The following AOAH variants were observed in gnomAD, a reference collection of about 807,000 sequenced individuals.
The protein encoded by AOAH is acyloxyacyl hydrolase, also known as acyloxyacyl hydrolase (neutrophil).
In AOAH, 64 loss-of-function variants were observed where a neutral mutation model predicts 92.2. The observed-to-expected ratio is 0.69, with a 90% CI of 0.57 to 0.86. AOAH has a LOEUF of 0.86. Ranked by LOEUF, AOAH falls within the 40% of genes least tolerant of loss-of-function variation. AOAH has a pLI of 0.00. For synonymous variants in AOAH, 263 were observed against 254.5 expected, an observed-to-expected ratio of 1.03 and a Z score of -0.32; for missense variants, 656 against 694.6, an observed-to-expected ratio of 0.94 and a Z score of 0.62.
chr7:36,536,880 G>A (rs2116115647), intron 16 of AOAH, among the ~76,000 whole-genome samples: 1 of 136,496 alleles, frequency 7.3e-6, no homozygotes, highest in South Asian at 2.4e-4. Flanking sequence ...AAGCTGGGAG[G>A]CAGAGGTTGC....
chr7:36,676,537 C>A (rs1796268481), intron 2 of AOAH, among the ~76,000 whole-genome samples: 1 of 152,210 alleles, frequency 6.6e-6, no homozygotes, highest in African/African-American at 2.4e-5. Context: ...TCTTCCCAAA[C>A]TGATCCACAG....
At chr7:36,651,922 T>A (rs1794601526) in intron 4 of AOAH, among the ~76,000 whole-genome samples, 1 of 152,174 alleles carries the variant, frequency 6.6e-6, no homozygotes, top group African/African-American at 2.4e-5. Flanking sequence ...CAGTAACAAT[T>A]GTAGGTATTT....
At chr7:36,707,583 G>A (rs1376017812) in intron 1 of AOAH, among the ~76,000 whole-genome samples, 2 of 152,118 alleles carry the variant, frequency 1.3e-5, no homozygotes, top group Non-Finnish European at 2.9e-5. Flanking sequence ...GCAATAAAAT[G>A]AAGCACAATA....
intron 12 of AOAH, among the ~76,000 whole-genome samples, chr7:36,576,959 A>G (rs768506836): frequency 2.0e-5 from 3 of 151,658 alleles, no homozygotes; most frequent in African/African-American, 4.8e-5. Flanking sequence ...GAGCTGCTGT[A>G]CATTTCTTGA....
At chr7:36,588,589 T>C (rs1353833404) in intron 12 of AOAH, among the ~76,000 whole-genome samples, 1 of 152,252 alleles carries the variant, frequency 6.6e-6, no homozygotes, top group Non-Finnish European at 1.5e-5. Flanking sequence ...TGTCCTTTTT[T>C]GAAACATGAA....
chr7:36,647,178 C>T (rs960096206), intron 4 of AOAH, among the ~76,000 whole-genome samples: 2 of 152,176 alleles, frequency 1.3e-5, no homozygotes, highest in Admixed American at 6.5e-5. Flanking sequence ...TTACAATTAT[C>T]GAATTACAAT....
intron 12 of AOAH, among the ~76,000 whole-genome samples, chr7:36,583,115 C>T (rs979375868): frequency 6.6e-6 from 1 of 152,056 alleles, no homozygotes; most frequent in African/African-American, 2.4e-5. Context: ...TGACTCTGTC[C>T]AGAGGCACAG....
chr7:36,515,456 C>A (rs1356370811), intron 20 of AOAH, among the ~76,000 whole-genome samples: 6 of 127,420 alleles, frequency 4.7e-5, no homozygotes, highest in African/African-American at 1.5e-4. Flanking sequence ...CCACACACAC[C>A]ACACACCACA....
intron 19 of AOAH, among the ~76,000 whole-genome samples, chr7:36,529,556 T>G (rs1379255602): frequency 6.8e-6 from 1 of 146,836 alleles, no homozygotes; most frequent in Non-Finnish European, 1.5e-5. Flanking sequence ...GATGGCCATC[T>G]GCTCCAACCC....
rs771387514 is a variant in AOAH at position 36,724,116 on chromosome 7, C to T, written c.33G>A (p.Ala11=). The T allele has an allele frequency of 1.5e-5, 24 of 1,613,292 alleles. No homozygotes were observed. The highest frequency in any genetic ancestry group is 5.3e-5 in the African/African-American group (4 of 74,834). MQSPWKILTV[A]PLFLLLSLQS... Reference sequence around the variant, plus strand: ...GAAGAGACAGGAGCAAGAATAGAGGCGCCACCGTAAGGATTTTCCAGGGGG... The same window carrying T: ...GAAGAGACAGGAGCAAGAATAGAGGTGCCACCGTAAGGATTTTCCAGGGGG... Residue 11 remains alanine, a synonymous_variant, in exon 1 of 21, where the codon GCG becomes GCA. Coordinates refer to ENST00000617537, the MANE Select transcript of AOAH (RefSeq NM_001637.4).
At chr7:36,628,956 T>C (rs912697013) in intron 6 of AOAH, among the ~76,000 whole-genome samples, 1 of 152,252 alleles carries the variant, frequency 6.6e-6, no homozygotes, top group Non-Finnish European at 1.5e-5. Context: ...TTACCGGATC[T>C]GTGACCTTGC....
At chr7:36,547,642 GGA>G (rs1785898306) in intron 15 of AOAH, among the ~76,000 whole-genome samples, 1 of 152,042 alleles carries the variant, frequency 6.6e-6, no homozygotes, top group African/African-American at 2.4e-5. Flanking sequence ...TTGCTACTGG[GGA>G]GTTGCTCTAA....
intron 4 of AOAH, among the ~76,000 whole-genome samples, chr7:36,647,977 C>T (rs1243990372): frequency 6.6e-6 from 1 of 151,950 alleles, no homozygotes; most frequent in East Asian, 1.9e-4. Context: ...ACTACAGGTT[C>T]ACGCCATCAT....
chr7:36,585,521 G>T (rs1017930665), intron 12 of AOAH, among the ~76,000 whole-genome samples: 1 of 152,130 alleles, frequency 6.6e-6, no homozygotes, highest in Admixed American at 6.6e-5. Context: ...ATTCCAAAGA[G>T]TCAGTACAAA....
chr7:36,704,879 C>A (rs1798290222), intron 1 of AOAH, among the ~76,000 whole-genome samples: 1 of 152,080 alleles, frequency 6.6e-6, no homozygotes, highest in Non-Finnish European at 1.5e-5. Context: ...ATAAACAGAA[C>A]CAATGACAAA....
At chr7:36,524,607 C>T (rs1246267462) in intron 19 of AOAH, among the ~76,000 whole-genome samples, 4 of 151,870 alleles carry the variant, frequency 2.6e-5, no homozygotes, top group Non-Finnish European at 2.9e-5. Flanking sequence ...ACATGGGAGG[C>T]AGAGATTGTA....
Position 36,571,534 on chromosome 7 carries a change from A to G in AOAH, c.1021+5040T>C, listed in dbSNP as rs141239152. ...ATCCTTATCCCCTGGTTCCTCCCCA[A>G]GTGGAGTCCTGAGCCCACTCCCCAG... On this transcript the variant is annotated intron_variant, in intron 13 of 20. Coordinates refer to ENST00000617537, the MANE Select transcript of AOAH (RefSeq NM_001637.4). 4.1e-3 allele frequency among the ~76,000 whole-genome samples: 629 copies of G among 152,236 alleles called. 3 individuals carry two copies. Among genetic ancestry groups the G allele is most frequent in the Non-Finnish European group, 6.8e-3 (462 of 68,014 alleles).
At chr7:36,693,532 TA>T (rs66468932) in intron 1 of AOAH, among the ~76,000 whole-genome samples, 85,005 of 151,628 alleles carry the variant, frequency 0.56, 24,194 homozygotes, top group East Asian at 0.83. Flanking sequence ...TAGTTGAAAT[TA>T]TTTTTTTGAT....
chr7:36,655,954 C>T (rs1254794761), intron 4 of AOAH, among the ~76,000 whole-genome samples: 7 of 152,106 alleles, frequency 4.6e-5, no homozygotes, highest in Non-Finnish European at 1.0e-4. Context: ...GGGCCCGCCT[C>T]CCTGAAGAAG....
Sources: allele counts gnomAD v4.1 joint callset (sites outside exome capture counted in the v4.1 genomes callset), GRCh38; gene constraint gnomAD v4.1.1; transcripts MANE v1.5; gene names NCBI Gene and HGNC (gene_info 2026-07-23, HGNC 2026-07-21).